Variants in ADAM12 observed in about 807,000 individuals in gnomAD.
ADAM12 encodes disintegrin and metalloproteinase domain-containing protein 12.
A neutral mutation model predicts 106.4 loss-of-function variants in ADAM12; 70 were observed. That is an observed-to-expected ratio of 0.66 (90% confidence interval 0.54 to 0.80). The LOEUF (loss-of-function observed/expected upper bound fraction) is 0.80, where lower values mean the gene tolerates loss of function less well. Ranked by LOEUF, ADAM12 falls within the 30% of genes least tolerant of loss-of-function variation. ADAM12 has a pLI of 0.00. For synonymous variants in ADAM12, 420 were observed against 433.5 expected, an observed-to-expected ratio of 0.97 and a Z score of 0.39; for missense variants, 1,010 against 1,171.9, an observed-to-expected ratio of 0.86 and a Z score of 2.02.
At chr10:126,378,119 C>A (rs975870728) in intron 1 of ADAM12, among the ~76,000 whole-genome samples, 2 of 152,110 alleles carry the variant, frequency 1.3e-5, no homozygotes, top group African/African-American at 4.8e-5. Context: ...TATTTAACAT[C>A]CAGCTTGGCA....
At chr10:126,214,280 C>T (rs1009649603) in intron 3 of ADAM12, among the ~76,000 whole-genome samples, 4 of 152,302 alleles carry the variant, frequency 2.6e-5, no homozygotes, top group Non-Finnish European at 2.9e-5. Context: ...TCATTAGCCA[C>T]GTGAGTTAGT....
Position 126,056,476 on chromosome 10 carries a change from A to C in ADAM12, c.1610-6807T>G, listed in dbSNP as rs137961496. On this transcript the variant is annotated intron_variant, in intron 14 of 22. Coordinates refer to ENST00000448723, the MANE Select transcript of ADAM12 (RefSeq NM_001288973.2). The stretch of plus-strand genomic sequence containing the variant: ...CCCTGGAGAATGAAGAAAAGTGGCT[A>C]ACTCACGGGTAGCCCCAATAGATAC... 2.1e-3 allele frequency among the ~76,000 whole-genome samples: 314 copies of C among 152,346 alleles called. 4 individuals carry two copies. Among genetic ancestry groups the C allele is most frequent in the African/African-American group, 7.3e-3 (302 of 41,580 alleles).
intron 11 of ADAM12, among the ~76,000 whole-genome samples, chr10:126,083,827 A>C (rs1359288812): frequency 1.3e-5 from 2 of 152,238 alleles, no homozygotes; most frequent in African/African-American, 2.4e-5. Context: ...GCACAGGGAC[A>C]CAGCTCTGAC....
intron 21 of ADAM12, among the ~76,000 whole-genome samples, chr10:126,025,579 G>A (rs894195763): frequency 4.6e-5 from 7 of 152,116 alleles, no homozygotes; most frequent in Non-Finnish European, 1.5e-5. Flanking sequence ...GTACCCAAAA[G>A]AGACGGGCAG....
intron 2 of ADAM12, among the ~76,000 whole-genome samples, chr10:126,281,745 T>G (rs955179202): frequency 2.0e-5 from 3 of 152,200 alleles, no homozygotes; most frequent in Non-Finnish European, 4.4e-5. Flanking sequence ...AAATGATATA[T>G]TGATTACCCT....
In ADAM12 at chr10:126,051,044, C is replaced by G. The variant is rs185629988; in HGVS notation, c.1610-1375G>C. On this transcript the variant is annotated intron_variant, in intron 14 of 22. Coordinates refer to ENST00000448723, the MANE Select transcript of ADAM12 (RefSeq NM_001288973.2). The stretch of plus-strand genomic sequence containing the variant: ...CTTGCTCACAGTAGGATGACACCAC[C>G]GACACACTCAGCTCCTATTAGGGAC... 1.1e-4 allele frequency among the ~76,000 whole-genome samples: 16 copies of G among 152,234 alleles called. No individual in the cohort carries two copies. The East Asian group carries it at 3.1e-3, about 29-fold the overall frequency.
At chr10:126,180,082 A>C (rs1304809982) in intron 3 of ADAM12, among the ~76,000 whole-genome samples, 2 of 152,234 alleles carry the variant, frequency 1.3e-5, no homozygotes, top group African/African-American at 4.8e-5. Flanking sequence ...AGACAATATC[A>C]TCAGAAATAA....
chr10:126,036,592 A>G (rs1456295884), intron 20 of ADAM12, among the ~76,000 whole-genome samples: 1 of 152,254 alleles, frequency 6.6e-6, no homozygotes, highest in Non-Finnish European at 1.5e-5. Flanking sequence ...TGTTTAACAA[A>G]TAGGTGCAAA....
At chr10:126,315,694 G>A (rs887916215) in intron 2 of ADAM12, among the ~76,000 whole-genome samples, 1 of 152,072 alleles carries the variant, frequency 6.6e-6, no homozygotes, top group East Asian at 1.9e-4. Context: ...GAGCTCCACC[G>A]AGACCGTTCT....
chr10:126,359,513 C>G (rs150086013), intron 1 of ADAM12, among the ~76,000 whole-genome samples: 362 of 152,264 alleles, frequency 2.4e-3, no homozygotes, highest in Non-Finnish European at 4.1e-3. Flanking sequence ...GCTACAGGAC[C>G]CACGCAAGTT....
chr10:126,195,489 C>T (rs1395238988), intron 3 of ADAM12, among the ~76,000 whole-genome samples: 1 of 152,032 alleles, frequency 6.6e-6, no homozygotes, highest in African/African-American at 2.4e-5. Context: ...ACAGGAGAAT[C>T]GCTTGAACCC....
In ADAM12 at chr10:126,297,059, C is replaced by G. The variant is rs373375358; in HGVS notation, c.187-18071G>C. ...CAGCTGGTAAAAGTGCAAATTGGTA[C>G]AGCTTTCCATAAGGCAGTCTGGAAA... is the stretch of plus-strand genomic sequence containing the variant. On this transcript the variant is annotated intron_variant, in intron 2 of 22. Coordinates refer to ENST00000448723, the MANE Select transcript of ADAM12 (RefSeq NM_001288973.2). Among the ~76,000 whole-genome samples the G allele has an allele frequency of 3.3e-5, 5 of 152,290 alleles. No homozygotes were observed. In the East Asian group the frequency reaches 9.6e-4, roughly 29 times the overall value.
Position 126,038,097 on chromosome 10 carries a change from C to A in ADAM12, c.2349+144G>T. ...CCCTCTGGCCCCAGATCACAGAGAC[C>A]CTCCCTCAGAGCCTGCTGACCTAGT... is the stretch of plus-strand genomic sequence containing the variant. On this transcript the variant is annotated intron_variant, in intron 20 of 22. Coordinates refer to ENST00000448723, the MANE Select transcript of ADAM12 (RefSeq NM_001288973.2). 4 of 804,798 alleles carry A rather than the reference C, an allele frequency of 5.0e-6. No individual in the cohort carries two copies. In the East Asian group the frequency reaches 1.1e-4, roughly 22 times the overall value. The allele number at this position is 804,798 out of a possible 1,614,324, so 49.9% of individuals were successfully genotyped here. A position where few individuals can be genotyped will look rare whatever the true frequency, so the allele number is the denominator to read the frequency against.
chr10:126,287,009 G>C (rs1323221211), intron 2 of ADAM12, among the ~76,000 whole-genome samples: 1 of 152,166 alleles, frequency 6.6e-6, no homozygotes, highest in African/African-American at 2.4e-5. Context: ...CTCCCTGCAG[G>C]AAAAGGCACC....
At chr10:126,118,271 T>C in intron 5 of ADAM12, 47 bp from the exon 6 acceptor site, 1 of 1,415,656 alleles carries the variant, frequency 7.1e-7, no homozygotes, top group Non-Finnish European at 9.7e-7. Context: ...AAGGACAGCT[T>C]CTTGTTTATG....
chr10:126,379,685 A>G (rs1856423017), intron 1 of ADAM12, among the ~76,000 whole-genome samples: 1 of 152,104 alleles, frequency 6.6e-6, no homozygotes, highest in South Asian at 2.1e-4. Context: ...CAAAACTTAA[A>G]GTATATTAAA....
At chr10:126,093,374 C>T (rs1955500630) in intron 11 of ADAM12, among the ~76,000 whole-genome samples, 1 of 152,104 alleles carries the variant, frequency 6.6e-6, no homozygotes, top group Non-Finnish European at 1.5e-5. Flanking sequence ...TCGGGAGTGT[C>T]AGGAAAGCAT....
Position 126,108,475 on chromosome 10 carries a change from T to C in ADAM12, c.741+118A>G, listed in dbSNP as rs140893176. The C allele has an allele frequency of 7.7e-6, 7 of 912,010 alleles. No homozygotes were observed. In the African/African-American group the frequency reaches 8.3e-5, roughly 11 times the overall value. 56.5% of individuals were successfully genotyped at this position (912,010 alleles called of 1,614,324 possible). ...ACACACTCAGAGGACAGGAAACAGT[T>C]CCAAACCAAGGCCCAGAGGCAGAAC... On this transcript the variant is annotated intron_variant, in intron 8 of 22. Coordinates refer to ENST00000448723, the MANE Select transcript of ADAM12 (RefSeq NM_001288973.2).
chr10:126,282,152 C>A (rs1179431377), intron 2 of ADAM12, among the ~76,000 whole-genome samples: 2 of 152,176 alleles, frequency 1.3e-5, no homozygotes, highest in African/African-American at 4.8e-5. Context: ...GGCTTTGAGA[C>A]AGTTGCCTTC....
Sources: gnomAD v4.1 joint callset for allele counts (sites outside exome capture counted in the v4.1 genomes callset) on GRCh38, gnomAD v4.1.1 for gene constraint, MANE v1.5 for transcripts, NCBI Gene and HGNC (gene_info 2026-07-23, HGNC 2026-07-21) for gene names.